Variants in SCHIP1 observed in about 807,000 individuals in gnomAD.
SCHIP1 encodes the protein schwannomin-interacting protein 1.
A neutral mutation model predicts 29.7 loss-of-function variants in SCHIP1; 8 were observed. The ratio of observed to expected loss-of-function variants is 0.27; its 90% CI spans 0.16 to 0.49. The LOEUF (loss-of-function observed/expected upper bound fraction) is 0.49. Ranked by LOEUF, SCHIP1 falls within the 20% of genes least tolerant of loss-of-function variation. The pLI is 0.99. For missense variants in SCHIP1, 193 were observed against 294.6 expected, an observed-to-expected ratio of 0.66 and a Z score of 2.52; for synonymous variants, 76 against 94.9, an observed-to-expected ratio of 0.80 and a Z score of 1.16.
the SCHIP1 span, among the ~76,000 whole-genome samples, chr3:159,427,266 C>G: frequency 0.5 from 74,971 of 148,784 alleles, 19,894 homozygotes; most frequent in Non-Finnish European, 0.6. Context: ...AATTGTCCCT[C>G]TTTGCAGACG....
the SCHIP1 span, among the ~76,000 whole-genome samples, chr3:159,680,638 A>AC: frequency 2.0e-5 from 1 of 50,058 alleles, no homozygotes; most frequent in Non-Finnish European, 3.5e-5. Flanking sequence ...TATTTTATAT[A>AC]TTATATAATA....
the SCHIP1 span, among the ~76,000 whole-genome samples, chr3:159,720,011 GA>G: frequency 6.6e-6 from 1 of 152,162 alleles, no homozygotes; most frequent in Non-Finnish European, 1.5e-5. Flanking sequence ...ACTGGATTAA[GA>G]AAATGTGGCA....
At chr3:159,447,125 A>T in the SCHIP1 span, among the ~76,000 whole-genome samples, 8 of 152,332 alleles carry the variant, frequency 5.3e-5, no homozygotes, top group Non-Finnish European at 7.3e-5. Context: ...AGACCTTTTA[A>T]ATGCCGGGTC....
chr3:159,565,007 T>C, the SCHIP1 span, among the ~76,000 whole-genome samples: 11 of 152,360 alleles, frequency 7.2e-5, no homozygotes, highest in East Asian at 2.1e-3. Flanking sequence ...TGTATGTGCA[T>C]GTGCTTAGCT....
chr3:159,639,133 T>C, the SCHIP1 span, among the ~76,000 whole-genome samples: 3 of 152,176 alleles, frequency 2.0e-5, no homozygotes, highest in Admixed American at 2.0e-4. Flanking sequence ...GTTTTGCCTT[T>C]TTCTGTGAAT....
At chr3:159,689,662 C>T in the SCHIP1 span, among the ~76,000 whole-genome samples, 1 of 152,208 alleles carries the variant, frequency 6.6e-6, no homozygotes, top group Non-Finnish European at 1.5e-5. Context: ...GAGAGGGCAT[C>T]CTTGTCGTGT....
intron 2 of SCHIP1, among the ~76,000 whole-genome samples, chr3:159,884,253 C>T (rs1022949093): frequency 1.3e-5 from 2 of 150,658 alleles, no homozygotes; most frequent in African/African-American, 2.4e-5. Flanking sequence ...TTTTTTAGAC[C>T]GACAGACATT....
the SCHIP1 span, among the ~76,000 whole-genome samples, chr3:159,582,781 T>TACACAC: frequency 0.022 from 1,940 of 88,396 alleles, 27 homozygotes; most frequent in African/African-American, 0.048. Flanking sequence ...AACTGAAATA[T>TACACAC]ATATATACAC....
chr3:159,810,107 G>A, the SCHIP1 span, among the ~76,000 whole-genome samples: 1 of 152,180 alleles, frequency 6.6e-6, no homozygotes, highest in African/African-American at 2.4e-5. Flanking sequence ...GTGCAGTGGC[G>A]TGATCTCAGC....
At chr3:159,585,551 G>A in the SCHIP1 span, among the ~76,000 whole-genome samples, 39 of 152,226 alleles carry the variant, frequency 2.6e-4, no homozygotes, top group African/African-American at 8.7e-4. Flanking sequence ...CTGTTTAATT[G>A]TATTTTTGCC....
chr3:159,383,423 T>C, the SCHIP1 span, among the ~76,000 whole-genome samples: 1 of 151,712 alleles, frequency 6.6e-6, no homozygotes, highest in Non-Finnish European at 1.5e-5. Context: ...GTTGTAGATA[T>C]GCGGCGTTAT....
chr3:159,626,147 GATAT>G, the SCHIP1 span, among the ~76,000 whole-genome samples: 2 of 82,634 alleles, frequency 2.4e-5, no homozygotes, highest in African/African-American at 1.2e-4. Flanking sequence ...GATATATCTA[GATAT>G]ATATATATAT....
At chr3:159,797,072 TG>T in the SCHIP1 span, among the ~76,000 whole-genome samples, 3 of 152,256 alleles carry the variant, frequency 2.0e-5, no homozygotes, top group Non-Finnish European at 4.4e-5. Flanking sequence ...CATAAAGGAC[TG>T]TGTTTTTTGT....
chr3:159,765,176 C>A, the SCHIP1 span: 15 of 1,523,838 alleles, frequency 9.8e-6, no homozygotes, highest in Admixed American at 2.3e-4. Flanking sequence ...CGCGCACACA[C>A]GCGTACACAC....
At chr3:159,310,584 A>G in the SCHIP1 span, among the ~76,000 whole-genome samples, 218 of 152,220 alleles carry the variant, frequency 1.4e-3, no homozygotes, top group Non-Finnish European at 9.7e-4. Context: ...GTTATATTTC[A>G]TGGACAGACA....
At chr3:159,288,364 C>T in the SCHIP1 span, among the ~76,000 whole-genome samples, 33 of 152,324 alleles carry the variant, frequency 2.2e-4, no homozygotes, top group South Asian at 8.3e-4. Context: ...AGCATACCTA[C>T]GAAGTCACAG....
At chr3:159,314,032 T>A in the SCHIP1 span, among the ~76,000 whole-genome samples, 1 of 152,224 alleles carries the variant, frequency 6.6e-6, no homozygotes, top group Non-Finnish European at 1.5e-5. Context: ...ATTATCTTTG[T>A]TCACTTGTAT....
the SCHIP1 span, among the ~76,000 whole-genome samples, chr3:159,778,322 T>A: frequency 4.2e-3 from 632 of 152,154 alleles, 1 homozygote; most frequent in African/African-American, 0.013. Context: ...AGTTTTTTTT[T>A]AAAAAACTTA....
At chr3:159,862,058 A>G (rs1410010966) in intron 1 of SCHIP1, among the ~76,000 whole-genome samples, 1 of 152,198 alleles carries the variant, frequency 6.6e-6, no homozygotes, top group African/African-American at 2.4e-5. Context: ...TAGTAATGGT[A>G]AGGAGAGTGG....
Sources: allele counts gnomAD v4.1 joint callset (sites outside exome capture counted in the v4.1 genomes callset), GRCh38; gene constraint gnomAD v4.1.1; transcripts MANE v1.5; gene names NCBI Gene and HGNC (gene_info 2026-07-23, HGNC 2026-07-21).